GRIN2D: variants seen among roughly 807,000 people sequenced by gnomAD.
GRIN2D encodes glutamate receptor ionotropic, NMDA 2D.
A neutral mutation model predicts 103.2 loss-of-function variants in GRIN2D; 37 were observed. That is an observed-to-expected ratio of 0.36 (90% CI 0.28 to 0.47). The LOEUF (loss-of-function observed/expected upper bound fraction) is 0.47, where lower values mean the gene tolerates loss of function less well. Ranked by LOEUF, GRIN2D falls within the 20% of genes least tolerant of loss-of-function variation. The probability of loss-of-function intolerance (pLI) is 1.00; values close to 1 mark genes in which losing one functional copy is unlikely to be tolerated. For synonymous variants in GRIN2D, 845 were observed against 885.6 expected, an observed-to-expected ratio of 0.95 and a Z score of 0.81; for missense variants, 1,557 against 1,910.6, an observed-to-expected ratio of 0.81 and a Z score of 3.45.
At chr19:48,420,336 G>T (rs887461066) in intron 10 of GRIN2D, among the ~76,000 whole-genome samples, 4 of 151,898 alleles carry the variant, frequency 2.6e-5, no homozygotes, top group Non-Finnish European at 5.9e-5. Context: ...GCTGAGGCAG[G>T]AGAATGGCGT....
chr19:48,395,109 TCTCC>T (rs1316650237), intron 2 of GRIN2D, among the ~76,000 whole-genome samples, 173 bp downstream of exon 2: 1 of 151,468 alleles, frequency 6.6e-6, no homozygotes, highest in African/African-American at 2.4e-5. Flanking sequence ...ACCCTCTCTC[TCTCC>T]CTCTCTGAGC....
rs1432250606 is a variant in GRIN2D, at chr19:48,405,628, A to C, written c.1085+275A>C. 6.6e-6 allele frequency among the ~76,000 whole-genome samples: 1 copy of C among 152,200 alleles called. No individual in the cohort carries two copies. Among genetic ancestry groups the C allele is most frequent in the Non-Finnish European group, 1.5e-5 (1 of 68,036 alleles). On this transcript the variant is annotated intron_variant, in intron 4 of 13. Transcript: ENST00000263269. This position sits in a 1 kb window ranked among gnomAD's most constrained non-coding sequence, Gnocchi z 5.1. ...TCTTTGAAAACGAGATGTGTCTTAT[A>C]ATTGATGACTTATCATGGCTTAATT...
At position 48,443,221 on chromosome 19, in the gene GRIN2D, G is replaced by A. The variant is rs1971328723; in HGVS notation, c.3295G>A (p.Ala1099Thr). Residue 1099 changes from alanine (A) to threonine (T), a missense_variant, in exon 14 of 14, where the codon GCG becomes ACG. Ala to Thr is a moderately conservative substitution (Grantham distance 58). This residue lies in a region of GRIN2D where 632 missense variants were observed against 572.8 expected (regional missense o/e 1.10). Coordinates refer to ENST00000263269, the MANE Select transcript of GRIN2D (RefSeq NM_000836.4). The surrounding 1 kb of genome is among the most constrained non-coding windows in gnomAD (Gnocchi z 8.9). ...APAAPPPCRA[A>T]PPPCPYLDLE... ...GGCCGCTCCGCCCCCGTGCCGCGCC[G>A]CGCCGCCCCCGTGCCCTTACCTCGA... 3 of 1,229,940 alleles carry A rather than the reference G, an allele frequency of 2.4e-6. No individual in the cohort carries two copies. Among genetic ancestry groups the A allele is most frequent in the South Asian group, 1.7e-5 (1 of 59,784 alleles). The allele number at this position is 1,229,940 out of a possible 1,614,324, so 76.2% of individuals were successfully genotyped here.
chr19:48,434,704 G>A (rs1374778455), intron 11 of GRIN2D, among the ~76,000 whole-genome samples: 2 of 151,966 alleles, frequency 1.3e-5, no homozygotes, highest in African/African-American at 4.8e-5. Flanking sequence ...AAAGCGATGG[G>A]ATGACAAGCT....
chr19:48,430,803 ATTTCTTT>A (rs199528571), intron 11 of GRIN2D, among the ~76,000 whole-genome samples: 3,683 of 146,510 alleles, frequency 0.025, 129 homozygotes, highest in African/African-American at 0.087. Context: ...TACTCTGTTA[ATTTCTTT>A]TTTCTTTTTT....
chr19:48,416,289 T>A, intron 8 of GRIN2D, 134 bp downstream of exon 8: 1 of 673,138 alleles, frequency 1.5e-6, no homozygotes, highest in East Asian at 2.7e-5. Flanking sequence ...TTCGGTGAAG[T>A]GACATCATTT....
rs780350094 is a variant in GRIN2D, at chr19:48,441,992, G to C, written c.2440+36G>C. Reference sequence around the variant, plus strand: ...ACACAGGGATTTCCACAGCGGAGAGGGGGAGGGCGAGGCCCCTGGGTTCCG... The same window carrying C: ...ACACAGGGATTTCCACAGCGGAGAGCGGGAGGGCGAGGCCCCTGGGTTCCG... On this transcript the variant is annotated intron_variant, in intron 12 of 13. Transcript: ENST00000263269. 2.5e-6 allele frequency: 4 copies of C among 1,576,286 alleles called. No homozygotes were observed. In the African/African-American group the frequency reaches 5.4e-5, roughly 21 times the overall value.
intron 11 of GRIN2D, among the ~76,000 whole-genome samples, chr19:48,436,404 T>C (rs961871247): frequency 1.3e-5 from 2 of 151,980 alleles, no homozygotes; most frequent in African/African-American, 2.4e-5. Context: ...GTAGGGTCTG[T>C]AGAATATCTC....
chr19:48,431,648 G>A (rs918419057), intron 11 of GRIN2D, among the ~76,000 whole-genome samples: 1 of 149,064 alleles, frequency 6.7e-6, no homozygotes, highest in East Asian at 2.0e-4. Flanking sequence ...GCAATGGCAC[G>A]ATCTCAGCTC....
intron 2 of GRIN2D, among the ~76,000 whole-genome samples, chr19:48,395,530 G>A (rs910526246): frequency 1.3e-5 from 2 of 152,020 alleles, no homozygotes; most frequent in East Asian, 1.9e-4. Context: ...GGGAGGAAAC[G>A]GGATGCCGTC....
At chr19:48,441,686 G>A (rs779311936) in intron 11 of GRIN2D, 83 bp from the exon 12 acceptor site, 36 of 1,107,892 alleles carry the variant, frequency 3.2e-5, no homozygotes, top group Non-Finnish European at 4.6e-5. Context: ...AGCAGTTGGA[G>A]GTTACAGGTG....
Position 48,442,316 on chromosome 19 carries a change from G to A in GRIN2D, c.2607G>A (p.Val869=), listed in dbSNP as rs150993587. ...SLLVFAWEHL[V]YWRLRHCLGP... ...TGGTCTTCGCCTGGGAGCACCTGGT[G>A]TACTGGCGCCTGCGGCACTGCCTGG... Residue 869 remains valine, a synonymous_variant, in exon 13 of 14, where the codon GTG becomes GTA. Transcript: ENST00000263269. This position sits in a 1 kb window ranked among gnomAD's most constrained non-coding sequence, Gnocchi z 7.2. The A allele has an allele frequency of 6.2e-7, 1 of 1,613,870 alleles. No individual in the cohort carries two copies. Among genetic ancestry groups the A allele is most frequent in the African/African-American group, 1.3e-5 (1 of 74,906 alleles).
chr19:48,431,065 C>T (rs1355819652), intron 11 of GRIN2D, among the ~76,000 whole-genome samples: 1 of 152,134 alleles, frequency 6.6e-6, no homozygotes, highest in African/African-American at 2.4e-5. Flanking sequence ...GTAATCTGTT[C>T]ACCTCGGCCT....
At chr19:48,412,268 G>T (rs1401042146) in intron 4 of GRIN2D, among the ~76,000 whole-genome samples, 2 of 151,578 alleles carry the variant, frequency 1.3e-5, no homozygotes, top group Non-Finnish European at 2.9e-5. Context: ...GGTGGAGCTT[G>T]CAGTGAGCCA....
chr19:48,397,646 T>C (rs1422436629), intron 2 of GRIN2D, among the ~76,000 whole-genome samples: 1 of 151,974 alleles, frequency 6.6e-6, no homozygotes, highest in Admixed American at 6.6e-5. Flanking sequence ...CCCGCCTCTA[T>C]CATCCTCTCC....
At chr19:48,407,482 G>A (rs904440385) in intron 4 of GRIN2D, among the ~76,000 whole-genome samples, 1 of 152,162 alleles carries the variant, frequency 6.6e-6, no homozygotes, top group Non-Finnish European at 1.5e-5. Flanking sequence ...CCCAAGAGAG[G>A]AAATGTATTA....
chr19:48,409,440 G>T (rs1970829336), intron 4 of GRIN2D, among the ~76,000 whole-genome samples: 1 of 151,838 alleles, frequency 6.6e-6, no homozygotes, highest in African/African-American at 2.4e-5. Flanking sequence ...ACCACACCTG[G>T]CTAATTTTTG....
At chr19:48,407,413 A>T (rs950655528) in intron 4 of GRIN2D, among the ~76,000 whole-genome samples, 1 of 151,960 alleles carries the variant, frequency 6.6e-6, no homozygotes, top group African/African-American at 2.4e-5. Flanking sequence ...CTTCTCCCTC[A>T]TAACTTCAGC....
rs1008406634 is a variant in GRIN2D at position 48,444,282 on chromosome 19, C to T, written c.*345C>T. On this transcript the variant is annotated 3_prime_UTR_variant, in exon 14 of 14. Transcript: ENST00000263269. This position sits in a 1 kb window ranked among gnomAD's most constrained non-coding sequence, Gnocchi z 5.5. ...ACCTCCACGCCCGGGGCCGTGGCCCCCACATCACTGTGCAGCTCCCCGGCC... is the reference window on the plus strand; with the variant it reads ...ACCTCCACGCCCGGGGCCGTGGCCCTCACATCACTGTGCAGCTCCCCGGCC... 4.6e-6 allele frequency: 1 copy of T among 216,328 alleles called. No individual in the cohort carries two copies. Among genetic ancestry groups the T allele is most frequent in the South Asian group, 1.6e-4 (1 of 6,360 alleles). 13.4% of individuals were successfully genotyped at this position (216,328 alleles called of 1,614,324 possible).
Sources: allele counts gnomAD v4.1 joint callset (sites outside exome capture counted in the v4.1 genomes callset), GRCh38; gene constraint gnomAD v4.1.1; regional missense constraint gnomAD v4.1.1; non-coding constraint Gnocchi (gnomAD v3.1); transcripts MANE v1.5; gene names NCBI Gene and HGNC (gene_info 2026-07-23, HGNC 2026-07-21).